NDUFA12: variants seen among roughly 807,000 people sequenced by gnomAD.
The protein encoded by NDUFA12 is NADH dehydrogenase [ubiquinone] 1 alpha subcomplex subunit 12.
Under a neutral mutation model 20.3 loss-of-function variants are expected in NDUFA12, and 17 were observed. The ratio of observed to expected loss-of-function variants is 0.84; its 90% CI spans 0.57 to 1.26. NDUFA12 has a LOEUF of 1.26. NDUFA12 is among the 50% of genes most tolerant of loss of function. NDUFA12 has a pLI of 0.00. For missense variants in NDUFA12, 191 were observed against 183.7 expected (o/e 1.04, Z -0.23); for synonymous variants, 72 against 63.6 (o/e 1.13, Z -0.63).
chr12:94,972,387 A>G (rs1054208772), intron 3 of NDUFA12: 2 of 408,758 alleles, frequency 4.9e-6, no homozygotes, highest in Non-Finnish European at 1.0e-5. Flanking sequence ...TAGAACTGAT[A>G]AAAATACAGT....
intron 2 of NDUFA12, among the ~76,000 whole-genome samples, chr12:94,997,633 T>A (rs113213398): frequency 6.6e-6 from 1 of 152,130 alleles, no homozygotes; most frequent in African/African-American, 2.4e-5. Context: ...GCTCCAAAAT[T>A]GGAAACTTTT....
chr12:94,971,719 G>T, intron 3 of NDUFA12, 99 bp from the exon 4 acceptor site: 1 of 1,354,404 alleles, frequency 7.4e-7, no homozygotes, highest in South Asian at 1.2e-5. Context: ...TGTTGCTTGG[G>T]TTCAAGCCTC....
chr12:94,987,148 T>G (rs1328010946), intron 3 of NDUFA12, among the ~76,000 whole-genome samples: 1 of 152,144 alleles, frequency 6.6e-6, no homozygotes, highest in Non-Finnish European at 1.5e-5. Flanking sequence ...AATCAGCTGC[T>G]ACTTAATAGA....
intron 1 of NDUFA12, 38 bp downstream of exon 1, chr12:95,003,557 C>T: frequency 6.2e-7 from 1 of 1,605,142 alleles, no homozygotes; most frequent in Non-Finnish European, 8.5e-7. Context: ...AGCGAAAGTC[C>T]AGCCCCAGAG....
At chr12:94,987,546 A>G (rs756854851) in intron 3 of NDUFA12, among the ~76,000 whole-genome samples, 19 of 152,150 alleles carry the variant, frequency 1.2e-4, no homozygotes, top group Non-Finnish European at 2.5e-4. Context: ...CATGCCTGTA[A>G]TCTCAGCACT....
At chr12:94,998,652 G>T (rs533155008) in intron 2 of NDUFA12, among the ~76,000 whole-genome samples, 1 of 152,140 alleles carries the variant, frequency 6.6e-6, no homozygotes, top group Non-Finnish European at 1.5e-5. Context: ...CTAAATCAAT[G>T]TATACAAATC....
At chr12:95,001,620 C>T (rs1875034950) in intron 2 of NDUFA12, among the ~76,000 whole-genome samples, 1 of 151,830 alleles carries the variant, frequency 6.6e-6, no homozygotes, top group Admixed American at 6.6e-5. Flanking sequence ...AGAGCGAGAC[C>T]CTGTCTCAAC....
At chr12:94,979,713 T>C (rs1255957728) in intron 3 of NDUFA12, among the ~76,000 whole-genome samples, 2 of 151,534 alleles carry the variant, frequency 1.3e-5, no homozygotes, top group Non-Finnish European at 2.9e-5. Flanking sequence ...ATGGGACCTG[T>C]AATCCCAGCT....
At chr12:94,991,100 A>G (rs747942021) in intron 3 of NDUFA12, among the ~76,000 whole-genome samples, 66 of 152,104 alleles carry the variant, frequency 4.3e-4, no homozygotes, top group Admixed American at 9.2e-4. Flanking sequence ...CCTGGGCAAC[A>G]TGGCGAAACC....
rs778152259 is a variant in NDUFA12 at position 95,002,797 on chromosome 12, T to C, written c.111A>G (p.Thr37=). ...FFRTNDAKVG[T]LVGEDKYGNK... Reference sequence around the variant, plus strand: ...TTCCATATTTGTCTTCCCCCACTAATGTACCAACCTTCGCATCATTTGTCC... The same window carrying C: ...TTCCATATTTGTCTTCCCCCACTAACGTACCAACCTTCGCATCATTTGTCC... The change falls in exon 2 of 4, where the codon ACA becomes ACG. Residue 37 remains threonine (T), a synonymous_variant. Transcript: ENST00000327772. 5.0e-6 allele frequency: 8 copies of C among 1,613,928 alleles called. No homozygotes were observed. Among genetic ancestry groups the C allele is most frequent in the East Asian group, 4.5e-5 (2 of 44,870 alleles).
At chr12:94,983,878 G>C (rs1474819583) in intron 3 of NDUFA12, among the ~76,000 whole-genome samples, 1 of 72,338 alleles carries the variant, frequency 1.4e-5, no homozygotes, top group Admixed American at 1.7e-4. Context: ...AAGTCATTAA[G>C]TGGGCCCGAG....
At chr12:95,003,042 T>C (rs187231118) in intron 1 of NDUFA12, among the ~76,000 whole-genome samples, 2 of 152,328 alleles carry the variant, frequency 1.3e-5, no homozygotes, top group Non-Finnish European at 2.9e-5. Context: ...ACTACTTGTA[T>C]CTACTATCCC....
intron 3 of NDUFA12, among the ~76,000 whole-genome samples, chr12:94,973,183 G>A (rs1168851878): frequency 6.6e-6 from 1 of 152,164 alleles, no homozygotes; most frequent in African/African-American, 2.4e-5. Context: ...CTAGGTAACT[G>A]ACTAAAAACC....
intron 3 of NDUFA12, among the ~76,000 whole-genome samples, chr12:94,989,085 C>T (rs558741322): frequency 4.6e-5 from 7 of 152,288 alleles, no homozygotes; most frequent in African/African-American, 1.2e-4. Flanking sequence ...CTGCCTGGAA[C>T]GCTTTCTCCC....
chr12:94,983,368 G>A, intron 3 of NDUFA12, among the ~76,000 whole-genome samples: 1 of 152,242 alleles, frequency 6.6e-6, no homozygotes, highest in African/African-American at 2.4e-5. Context: ...TCCTAGATGA[G>A]GTTTAAAAAG....
chr12:95,003,158 T>C, intron 1 of NDUFA12, among the ~76,000 whole-genome samples: 1 of 152,234 alleles, frequency 6.6e-6, no homozygotes, highest in South Asian at 2.1e-4. Flanking sequence ...TTCATTCCAC[T>C]CTGGGTCTCC....
chr12:95,000,036 A>T (rs2136073229), intron 2 of NDUFA12, among the ~76,000 whole-genome samples: 1 of 152,360 alleles, frequency 6.6e-6, no homozygotes, highest in African/African-American at 2.4e-5. Flanking sequence ...ACATGTTTAT[A>T]GCAGCACAAT....
rs1487278243 is a variant in NDUFA12 at position 94,981,535 on chromosome 12, AAATT to A, written c.258-9919_258-9916del. The stretch of plus-strand genomic sequence containing the variant: ...AATTAAATATAAATTCCTGAAGAAG[AAATT>A]AATATCTTGTTGCTGATCCCATAAG... On this transcript the variant is annotated intron_variant, in intron 3 of 3. Coordinates refer to ENST00000327772, the MANE Select transcript of NDUFA12 (RefSeq NM_018838.5). 3.9e-5 allele frequency among the ~76,000 whole-genome samples: 6 copies of A among 152,364 alleles called. No homozygotes were observed. The East Asian group carries it at 9.6e-4, about 24-fold the overall frequency.
rs781086834 is a variant in NDUFA12 at position 95,003,643 on chromosome 12, T to C, written c.38A>G (p.Gln13Arg). Residue 13 changes from glutamine (Q) to arginine (R), a missense_variant, in exon 1 of 4, where the codon CAG (glutamine) becomes CGG (arginine). Coordinates refer to ENST00000327772, the MANE Select transcript of NDUFA12 (RefSeq NM_018838.5). ...TCGGAGACCGCCGTGGCCGGTGATC[T>C]GCTGCAGCCCGCGTTTCAGGACCTG... ...LVQVLKRGLQQITGHGGLRGY... is the reference protein window; with the variant it reads ...LVQVLKRGLQRITGHGGLRGY... 6 of 1,614,060 alleles carry C rather than the reference T, an allele frequency of 3.7e-6. No homozygotes were observed. The highest frequency in any genetic ancestry group is 3.3e-5 in the South Asian group (3 of 91,084).
Sources: allele counts gnomAD v4.1 joint callset (sites outside exome capture counted in the v4.1 genomes callset), GRCh38; gene constraint gnomAD v4.1.1; transcripts MANE v1.5; gene names NCBI Gene and HGNC (gene_info 2026-07-23, HGNC 2026-07-21).